PEX14: variants seen among roughly 807,000 people sequenced by gnomAD.
PEX14 encodes peroxisomal membrane protein PEX14.
A neutral mutation model predicts 49.5 loss-of-function variants in PEX14; 15 were observed. The observed-to-expected ratio is 0.30, with a 90% confidence interval of 0.20 to 0.47. The LOEUF (loss-of-function observed/expected upper bound fraction) is 0.47. PEX14 is among the 20% of genes least tolerant of loss of function. The pLI, the probability that PEX14 is intolerant of heterozygous loss-of-function variation, is 1.00. For synonymous variants in PEX14, 210 were observed against 212.7 expected, an observed-to-expected ratio of 0.99 and a Z score of 0.11; for missense variants, 398 against 494.8, an observed-to-expected ratio of 0.80 and a Z score of 1.86.
intron 2 of PEX14, among the ~76,000 whole-genome samples, chr1:10,526,671 A>G (rs530735476): frequency 1.3e-5 from 2 of 152,296 alleles, no homozygotes; most frequent in African/African-American, 4.8e-5. Flanking sequence ...GAATATGTAC[A>G]TAATACTTAC....
At chr1:10,553,259 G>A (rs1639387249) in intron 3 of PEX14, among the ~76,000 whole-genome samples, 1 of 152,146 alleles carries the variant, frequency 6.6e-6, no homozygotes, top group Non-Finnish European at 1.5e-5. Context: ...GTGAAGAAGA[G>A]GGAAGAGTCT....
chr1:10,546,957 T>C (rs1245938668), intron 3 of PEX14, among the ~76,000 whole-genome samples: 3 of 152,036 alleles, frequency 2.0e-5, no homozygotes, highest in Non-Finnish European at 4.4e-5. Flanking sequence ...GCTAGGAGGG[T>C]AGACCCAAGG....
intron 3 of PEX14, among the ~76,000 whole-genome samples, chr1:10,585,753 C>T (rs1018658831): frequency 6.6e-6 from 1 of 152,144 alleles, no homozygotes; most frequent in African/African-American, 2.4e-5. Flanking sequence ...AACCCTGTCT[C>T]TATGCAGTGG....
intron 3 of PEX14, among the ~76,000 whole-genome samples, chr1:10,580,529 G>A (rs1003059958): frequency 1.3e-5 from 2 of 152,024 alleles, no homozygotes; most frequent in Non-Finnish European, 2.9e-5. Flanking sequence ...CCAAACAGGC[G>A]TGAGCCACTG....
chr1:10,553,061 C>T (rs1639381182), intron 3 of PEX14, among the ~76,000 whole-genome samples: 1 of 152,068 alleles, frequency 6.6e-6, no homozygotes, highest in African/African-American at 2.4e-5. Flanking sequence ...GGGGAAACCA[C>T]GGAAAAGTTG....
At chr1:10,589,627 G>A (rs1039948938) in intron 3 of PEX14, among the ~76,000 whole-genome samples, 1 of 151,974 alleles carries the variant, frequency 6.6e-6, no homozygotes. Context: ...TGCCCAGGCT[G>A]GTCTCAAACT....
intron 3 of PEX14, among the ~76,000 whole-genome samples, chr1:10,570,357 G>A (rs1013011260): frequency 6.6e-6 from 1 of 151,780 alleles, no homozygotes; most frequent in African/African-American, 2.4e-5. Flanking sequence ...TTTTTGAGAC[G>A]TGGTCTTGCT....
chr1:10,505,736 A>G (rs1641771168), intron 2 of PEX14, among the ~76,000 whole-genome samples: 1 of 149,698 alleles, frequency 6.7e-6, no homozygotes, highest in Non-Finnish European at 1.5e-5. Flanking sequence ...GCTGGAGTGC[A>G]GTGGCATGAT....
intron 3 of PEX14, among the ~76,000 whole-genome samples, chr1:10,569,705 C>G (rs1390306152): frequency 1.3e-5 from 2 of 152,148 alleles, no homozygotes; most frequent in South Asian, 2.1e-4. Context: ...ATGATTTCAT[C>G]TTTAGGTTGG....
At chr1:10,477,063 A>G (rs943590724) in intron 1 of PEX14, among the ~76,000 whole-genome samples, 1 of 149,440 alleles carries the variant, frequency 6.7e-6, no homozygotes, top group Non-Finnish European at 1.5e-5. Flanking sequence ...TGGGGGAAAA[A>G]CTTGAACTTT....
At chr1:10,604,783 C>T (rs996250564) in intron 4 of PEX14, among the ~76,000 whole-genome samples, 5 of 152,108 alleles carry the variant, frequency 3.3e-5, no homozygotes, top group Admixed American at 6.5e-5. Context: ...TTGTGCCATA[C>T]GACCTATTTG....
chr1:10,496,903 C>T (rs1300234021), intron 2 of PEX14, among the ~76,000 whole-genome samples: 1 of 151,700 alleles, frequency 6.6e-6, no homozygotes, highest in Admixed American at 6.6e-5. Context: ...TATTTTTTCT[C>T]CTCTTTACGT....
At chr1:10,614,129 T>C (rs1350805671) in intron 4 of PEX14, among the ~76,000 whole-genome samples, 1 of 152,238 alleles carries the variant, frequency 6.6e-6, no homozygotes, top group Non-Finnish European at 1.5e-5. Context: ...TAGTGTGGAC[T>C]GTGCTAATGT....
Position 10,512,055 on chromosome 1 carries a change from G to A in PEX14, c.84+16734G>A, listed in dbSNP as rs1641893738. On this transcript the variant is annotated intron_variant, in intron 2 of 8. Coordinates refer to ENST00000356607, the MANE Select transcript of PEX14 (RefSeq NM_004565.3). The surrounding 1 kb of genome is among the most constrained non-coding windows in gnomAD (Gnocchi z 4.6). ...GCTCACTGCACGCTCCGCCTCCCGG[G>A]TTTACGCCATTCTCCTGCCTCAGCT... is the stretch of plus-strand genomic sequence containing the variant. 6.6e-6 allele frequency among the ~76,000 whole-genome samples: 1 copy of A among 152,150 alleles called. No homozygotes were observed. The highest frequency in any genetic ancestry group is 2.4e-5 in the African/African-American group (1 of 41,424).
intron 3 of PEX14, among the ~76,000 whole-genome samples, chr1:10,588,667 C>A (rs1322696505): frequency 6.6e-6 from 1 of 152,186 alleles, no homozygotes; most frequent in Non-Finnish European, 1.5e-5. Context: ...CTGGCAGTCA[C>A]TTAGTAGCCC....
intron 7 of PEX14, among the ~76,000 whole-genome samples, chr1:10,626,428 G>A (rs1641746569): frequency 6.6e-6 from 1 of 152,208 alleles, no homozygotes; most frequent in Non-Finnish European, 1.5e-5. Context: ...TTTCCTTCCT[G>A]AGACCTACAG....
chr1:10,490,363 C>T (rs541713872), intron 1 of PEX14, among the ~76,000 whole-genome samples: 244 of 152,286 alleles, frequency 1.6e-3, no homozygotes, highest in Non-Finnish European at 2.8e-3. Flanking sequence ...ATGGGTTCTC[C>T]TAGACCTGGA....
intron 7 of PEX14, 131 bp from the exon 8 acceptor site, chr1:10,627,141 C>A: frequency 1.3e-6 from 1 of 750,490 alleles, no homozygotes; most frequent in East Asian, 2.5e-5. Context: ...AGTGGCAGAA[C>A]CTTCCCCCGG....
intron 1 of PEX14, among the ~76,000 whole-genome samples, chr1:10,485,574 C>T (rs1641353930): frequency 6.6e-6 from 1 of 151,356 alleles, no homozygotes; most frequent in Non-Finnish European, 1.5e-5. Flanking sequence ...CTACCTCTGC[C>T]TCCCAAAGTG....
Sources: allele counts gnomAD v4.1 joint callset (sites outside exome capture counted in the v4.1 genomes callset), GRCh38; gene constraint gnomAD v4.1.1; non-coding constraint Gnocchi (gnomAD v3.1); transcripts MANE v1.5; gene names NCBI Gene and HGNC (gene_info 2026-07-23, HGNC 2026-07-21).